SYNJ2: variants seen among roughly 807,000 people sequenced by gnomAD.
SYNJ2 encodes synaptojanin 2.
SYNJ2 carries 116 observed loss-of-function variants against 141.3 expected under a neutral mutation model. The ratio of observed to expected loss-of-function variants is 0.82; its 90% CI spans 0.71 to 0.96. The LOEUF (loss-of-function observed/expected upper bound fraction) is 0.96, where lower values mean the gene tolerates loss of function less well. Among genes scored for constraint, SYNJ2 ranks in the 40% least tolerant of loss-of-function variants. The pLI, the probability that SYNJ2 is intolerant of heterozygous loss-of-function variation, is 0.00. For synonymous variants in SYNJ2, 745 were observed against 777.7 expected (o/e 0.96, Z 0.70); for missense variants, 1,873 against 1,934.8 (o/e 0.97, Z 0.60).
chr6:158,060,222 T>C (rs1346653882), intron 7 of SYNJ2, among the ~76,000 whole-genome samples: 1 of 152,082 alleles, frequency 6.6e-6, no homozygotes, highest in African/African-American at 2.4e-5. Context: ...CAGACTTCCT[T>C]GGGGGGCTTT....
chr6:158,022,372 C>T (rs1477842452), intron 2 of SYNJ2, among the ~76,000 whole-genome samples: 1 of 152,174 alleles, frequency 6.6e-6, no homozygotes, highest in Non-Finnish European at 1.5e-5. Flanking sequence ...TCCCGGTAAA[C>T]GGGGCCTTGG....
At chr6:158,009,446 T>G (rs1778185651) in intron 1 of SYNJ2, among the ~76,000 whole-genome samples, 1 of 152,092 alleles carries the variant, frequency 6.6e-6, no homozygotes, top group African/African-American at 2.4e-5. Context: ...TCTCTGTCCC[T>G]GGAAGGGTGC....
intron 2 of SYNJ2, 61 bp from the exon 3 acceptor site, chr6:158,028,695 G>A (rs1779190743): frequency 6.3e-7 from 1 of 1,580,622 alleles, no homozygotes. Context: ...TTGTCCCCTT[G>A]GAGCTCCAGG....
At chr6:158,032,457 G>A (rs558638428) in intron 3 of SYNJ2, among the ~76,000 whole-genome samples, 38 of 152,334 alleles carry the variant, frequency 2.5e-4, no homozygotes, top group Admixed American at 1.8e-3. Context: ...GTGAGTATGG[G>A]CCCTCAGGAT....
chr6:158,031,871 A>T (rs533423427), intron 3 of SYNJ2, among the ~76,000 whole-genome samples: 2 of 152,170 alleles, frequency 1.3e-5, no homozygotes, highest in East Asian at 3.9e-4. Context: ...TCCACTTGGC[A>T]AAAGGTTTCT....
intron 15 of SYNJ2, among the ~76,000 whole-genome samples, chr6:158,072,806 A>G (rs1001978227): frequency 6.6e-6 from 1 of 152,044 alleles, no homozygotes; most frequent in African/African-American, 2.4e-5. Flanking sequence ...ACAGTGGCTC[A>G]CACCTGTAAT....
At position 158,064,661 on chromosome 6, in the gene SYNJ2, G is replaced by T. The variant is rs149967912; in HGVS notation, c.1270G>T (p.Val424Leu). The T allele has an allele frequency of 2.3e-5, 37 of 1,614,152 alleles. No individual in the cohort carries two copies. Among genetic ancestry groups the T allele is most frequent in the Non-Finnish European group, 2.7e-5 (32 of 1,180,032 alleles). The change falls in exon 10 of 27, where the codon GTG becomes TTG. Residue 424 changes from valine to leucine, a missense_variant. Coordinates refer to ENST00000355585, the MANE Select transcript of SYNJ2 (RefSeq NM_003898.4). ...TTCAAAACCCATCGTTGACCGCTTT[G>T]TGGAGTCCTTCAAAGCCATGTGGTC... ...LSSKPIVDRFVESFKAMWSLN... is the reference protein window; with the variant it reads ...LSSKPIVDRFLESFKAMWSLN...
intron 4 of SYNJ2, among the ~76,000 whole-genome samples, chr6:158,041,040 G>A (rs969553675): frequency 1.3e-5 from 2 of 152,186 alleles, no homozygotes; most frequent in African/African-American, 2.4e-5. Context: ...AAACAGCTTC[G>A]TTTTTTGAGT....
chr6:158,033,711 A>G (rs1167703433), intron 4 of SYNJ2, 31 bp downstream of exon 4: 17 of 1,581,446 alleles, frequency 1.1e-5, no homozygotes, highest in African/African-American at 1.3e-5. Flanking sequence ...GTGGCACCAA[A>G]TGGTTCCGAG....
At chr6:158,015,536 G>A (rs1778421350) in intron 1 of SYNJ2, among the ~76,000 whole-genome samples, 1 of 152,144 alleles carries the variant, frequency 6.6e-6, no homozygotes, top group African/African-American at 2.4e-5. Context: ...AGGAAGGCAG[G>A]CAACAAAACC....
At chr6:158,003,626 G>A (rs1008255388) in intron 1 of SYNJ2, among the ~76,000 whole-genome samples, 2 of 152,174 alleles carry the variant, frequency 1.3e-5, no homozygotes, top group Non-Finnish European at 1.5e-5. Context: ...CCTGTGGGCC[G>A]GGCTTCGTTG....
chr6:158,048,218 C>A (rs578044195), intron 5 of SYNJ2, among the ~76,000 whole-genome samples: 1 of 152,176 alleles, frequency 6.6e-6, no homozygotes, highest in South Asian at 2.1e-4. Flanking sequence ...GGAGAGGCCC[C>A]GGGGGCAGCT....
chr6:157,987,743 A>G (rs539499646), intron 1 of SYNJ2, among the ~76,000 whole-genome samples: 118 of 152,350 alleles, frequency 7.7e-4, no homozygotes, highest in African/African-American at 2.7e-3. Flanking sequence ...TTACTCTCCT[A>G]GTGATTTCAA....
intron 18 of SYNJ2, chr6:158,079,358 T>C (rs1013005182): frequency 4.0e-5 from 6 of 150,992 alleles, no homozygotes; most frequent in Admixed American, 1.3e-4. Flanking sequence ...AAAAAGAAGG[T>C]AAGAACAGTT....
intron 2 of SYNJ2, among the ~76,000 whole-genome samples, chr6:158,018,110 A>G (rs1009791896): frequency 2.0e-5 from 3 of 152,146 alleles, no homozygotes; most frequent in African/African-American, 7.2e-5. Flanking sequence ...AGGAAGGGAC[A>G]GTGTGATCTG....
chr6:158,003,096 C>A (rs1290219914), intron 1 of SYNJ2, among the ~76,000 whole-genome samples: 1 of 152,142 alleles, frequency 6.6e-6, no homozygotes, highest in East Asian at 1.9e-4. Flanking sequence ...TGCGGGAAAC[C>A]AAACTTTCTT....
chr6:158,088,132 C>T (rs1015461959), intron 23 of SYNJ2, among the ~76,000 whole-genome samples: 2 of 130,182 alleles, frequency 1.5e-5, no homozygotes, highest in African/African-American at 5.9e-5. Flanking sequence ...GATCTCACAG[C>T]TCACTGAAGC....
rs138927100 is a variant in SYNJ2, at chr6:158,076,682, C to A, written c.2349C>A (p.Asp783Glu). 7 of 1,614,076 alleles carry A rather than the reference C, an allele frequency of 4.3e-6. No homozygotes were observed. In the South Asian group the frequency reaches 6.6e-5, roughly 15 times the overall value. Residue 783 changes from aspartate to glutamate, a missense_variant, in exon 17 of 27, where the codon GAC becomes GAA. Transcript: ENST00000355585. ...AINFGPTYKY[D>E]VGSAAYDTSD... The stretch of plus-strand genomic sequence containing the variant: ...ACTTTGGACCCACCTACAAGTATGA[C>A]GTTGGCTCAGCCGCCTACGATACAA...
rs561032457 is a variant in SYNJ2 at position 157,998,862 on chromosome 6, C to T, written c.127+16774C>T. Among the ~76,000 whole-genome samples, 22 of 152,322 alleles carry T rather than the reference C, an allele frequency of 1.4e-4. No individual in the cohort carries two copies. In the South Asian group the frequency reaches 3.3e-3, roughly 23 times the overall value. On this transcript the variant is annotated intron_variant, in intron 1 of 26. Transcript: ENST00000355585. ...GGTGAACACACCCACATAGCCAGCA[C>T]GCAGATCTGGAGAGAGAACGTTTGC...
Sources: gnomAD v4.1 joint callset for allele counts (sites outside exome capture counted in the v4.1 genomes callset) on GRCh38, gnomAD v4.1.1 for gene constraint, MANE v1.5 for transcripts, NCBI Gene and HGNC (gene_info 2026-07-23, HGNC 2026-07-21) for gene names.